Variants in CNTNAP2 observed in about 807,000 individuals in gnomAD.
The protein encoded by CNTNAP2 is contactin-associated protein-like 2.
A neutral mutation model predicts 155.2 loss-of-function variants in CNTNAP2; 98 were observed. That is an observed-to-expected ratio of 0.63 (90% CI 0.54 to 0.75). The LOEUF is 0.75. Ranked by LOEUF, CNTNAP2 falls within the 30% of genes least tolerant of loss-of-function variation. The pLI, the probability that CNTNAP2 is intolerant of heterozygous loss-of-function variation, is 0.00. For synonymous variants in CNTNAP2, 651 were observed against 631.2 expected, an observed-to-expected ratio of 1.03 and a Z score of -0.47; for missense variants, 1,727 against 1,688.1, an observed-to-expected ratio of 1.02 and a Z score of -0.40.
At chr7:147,567,813 C>T (rs1240379521) in intron 12 of CNTNAP2, among the ~76,000 whole-genome samples, 3 of 152,294 alleles carry the variant, frequency 2.0e-5, no homozygotes, top group African/African-American at 4.8e-5. Context: ...TGGCCGGGCA[C>T]GGCGGCTCAT....
At chr7:146,857,551 A>G (rs903208998) in intron 3 of CNTNAP2, among the ~76,000 whole-genome samples, 1 of 152,180 alleles carries the variant, frequency 6.6e-6, no homozygotes, top group Non-Finnish European at 1.5e-5. Context: ...TCCATTAACT[A>G]GCTAATAAGT....
intron 9 of CNTNAP2, among the ~76,000 whole-genome samples, chr7:147,329,568 G>GGTGT (rs1334282271): frequency 6.6e-6 from 1 of 152,084 alleles, no homozygotes; most frequent in African/African-American, 2.4e-5. Flanking sequence ...TCATGGTGCA[G>GGTGT]GTGTAAGCAT....
intron 1 of CNTNAP2, among the ~76,000 whole-genome samples, chr7:146,237,052 C>CGG (rs112968711): frequency 6.6e-6 from 1 of 152,006 alleles, no homozygotes; most frequent in African/African-American, 2.4e-5. Flanking sequence ...GAGAAAAACA[C>CGG]GGGGGGAGCT....
chr7:146,853,015 T>C (rs551546692), intron 3 of CNTNAP2, among the ~76,000 whole-genome samples: 1 of 151,988 alleles, frequency 6.6e-6, no homozygotes, highest in South Asian at 2.1e-4. Flanking sequence ...AGAAAAAGAC[T>C]GTGAATTTAT....
At chr7:147,262,669 G>A (rs1167813923) in intron 8 of CNTNAP2, among the ~76,000 whole-genome samples, 1 of 152,200 alleles carries the variant, frequency 6.6e-6, no homozygotes, top group African/African-American at 2.4e-5. Context: ...AGCTGGGCGT[G>A]GTGGCGAGCG....
At chr7:146,117,121 T>A in intron 1 of CNTNAP2, 148 bp downstream of exon 1, 1 of 678,916 alleles carries the variant, frequency 1.5e-6, no homozygotes, top group Non-Finnish European at 2.6e-6. Context: ...GCCACTGCAG[T>A]AGACAAACTC....
At chr7:147,379,707 C>T (rs1254888956) in intron 9 of CNTNAP2, among the ~76,000 whole-genome samples, 1 of 151,974 alleles carries the variant, frequency 6.6e-6, no homozygotes, top group Non-Finnish European at 1.5e-5. Flanking sequence ...AATTTTTCTC[C>T]AGTGTCTGCT....
At chr7:148,103,926 A>G (rs1028520895) in intron 15 of CNTNAP2, among the ~76,000 whole-genome samples, 1 of 152,098 alleles carries the variant, frequency 6.6e-6, no homozygotes, top group Non-Finnish European at 1.5e-5. Context: ...AGTCTTTGTT[A>G]TTTTTCTATT....
At chr7:146,893,383 CTA>C (rs1374899394) in intron 3 of CNTNAP2, among the ~76,000 whole-genome samples, 2 of 150,718 alleles carry the variant, frequency 1.3e-5, no homozygotes, top group Non-Finnish European at 3.0e-5. Flanking sequence ...TCATATATCT[CTA>C]TATAGAGATC....
intron 8 of CNTNAP2, among the ~76,000 whole-genome samples, chr7:147,224,636 A>G (rs563645579): frequency 2.0e-5 from 3 of 152,302 alleles, no homozygotes; most frequent in South Asian, 4.1e-4. Flanking sequence ...AATTAGAAAT[A>G]ATTTCTTTCA....
chr7:148,214,288 G>A (rs1795600409), intron 18 of CNTNAP2, among the ~76,000 whole-genome samples: 1 of 152,214 alleles, frequency 6.6e-6, no homozygotes, highest in Non-Finnish European at 1.5e-5. Context: ...GATGTTTGCT[G>A]AAAGCTAACT....
At chr7:146,263,917 C>T (rs1277028300) in intron 1 of CNTNAP2, among the ~76,000 whole-genome samples, 2 of 152,072 alleles carry the variant, frequency 1.3e-5, no homozygotes, top group African/African-American at 4.8e-5. Context: ...TCTTAATTTA[C>T]TTATAGAGAA....
chr7:148,392,862 G>C (rs1304815541), intron 22 of CNTNAP2, among the ~76,000 whole-genome samples: 1 of 152,138 alleles, frequency 6.6e-6, no homozygotes, highest in Non-Finnish European at 1.5e-5. Flanking sequence ...GGATCACTCA[G>C]TGTAACAACC....
Position 147,121,061 on chromosome 7 carries a change from G to A in CNTNAP2, c.837G>A (p.Val279=), listed in dbSNP as rs143507886. The A allele has an allele frequency of 2.2e-4, 354 of 1,614,106 alleles. No homozygotes were observed. The highest frequency in any genetic ancestry group is 3.8e-4 in the Admixed American group (23 of 60,024). The change falls in exon 6 of 24, where the codon GTG becomes GTA. Residue 279 remains valine (V), a synonymous_variant. Coordinates refer to ENST00000361727, the MANE Select transcript of CNTNAP2 (RefSeq NM_014141.6). ...SLLDDHHWHS[V]VIERQGRSIN... is the part of the protein sequence containing the mutation. ...TGGATGACCACCACTGGCACTCTGT[G>A]GTCATTGAGCGCCAGGGGCGGAGCA...
intron 1 of CNTNAP2, among the ~76,000 whole-genome samples, chr7:146,510,378 A>G (rs1054796638): frequency 4.7e-4 from 72 of 152,166 alleles, no homozygotes; most frequent in Non-Finnish European, 6.5e-4. Context: ...ATTCATTACA[A>G]TTACTAGGGC....
At chr7:148,282,377 G>A (rs926243106) in intron 21 of CNTNAP2, among the ~76,000 whole-genome samples, 2 of 152,166 alleles carry the variant, frequency 1.3e-5, no homozygotes, top group African/African-American at 2.4e-5. Context: ...TGCCTCACCT[G>A]CTCGAGGAGC....
At chr7:146,914,997 A>G (rs889763631) in intron 3 of CNTNAP2, among the ~76,000 whole-genome samples, 3 of 152,092 alleles carry the variant, frequency 2.0e-5, no homozygotes, top group Non-Finnish European at 2.9e-5. Flanking sequence ...TTTTTGTATA[A>G]GGTGAGAGAT....
chr7:148,001,491 G>C (rs950253193), intron 15 of CNTNAP2, among the ~76,000 whole-genome samples: 1 of 152,214 alleles, frequency 6.6e-6, no homozygotes, highest in Non-Finnish European at 1.5e-5. Context: ...TGTGAACAAT[G>C]TGTTTCAAAG....
intron 1 of CNTNAP2, among the ~76,000 whole-genome samples, chr7:146,435,342 A>T (rs1376377542): frequency 6.6e-6 from 1 of 152,220 alleles, no homozygotes; most frequent in African/African-American, 2.4e-5. Flanking sequence ...GTGCTTGGCA[A>T]TGTGAGTACC....
Sources: gnomAD v4.1 joint callset for allele counts (sites outside exome capture counted in the v4.1 genomes callset) on GRCh38, gnomAD v4.1.1 for gene constraint, MANE v1.5 for transcripts, NCBI Gene and HGNC (gene_info 2026-07-23, HGNC 2026-07-21) for gene names.